The following ZDHHC21 variants were observed in gnomAD, a reference collection of about 807,000 sequenced individuals.
The protein encoded by ZDHHC21 is palmitoyltransferase ZDHHC21.
ZDHHC21 carries 15 observed loss-of-function variants against 34.6 expected under a neutral mutation model. That is an observed-to-expected ratio of 0.43 (90% CI 0.29 to 0.67). The LOEUF (loss-of-function observed/expected upper bound fraction) is 0.67, where lower values mean the gene tolerates loss of function less well. Ranked by LOEUF, ZDHHC21 falls within the 30% of genes least tolerant of loss-of-function variation. ZDHHC21 has a pLI of 0.14. For missense variants in ZDHHC21, 344 were observed against 327.7 expected (o/e 1.05, Z -0.38); for synonymous variants, 142 against 101.8 (o/e 1.40, Z -2.38).
At chr9:14,597,228 C>A in the ZDHHC21 span, among the ~76,000 whole-genome samples, 11 of 152,136 alleles carry the variant, frequency 7.2e-5, no homozygotes, top group African/African-American at 2.4e-4. Context: ...AGACTACATT[C>A]TTCCCTAGGG....
At chr9:14,647,579 C>T (rs1830477272) in intron 7 of ZDHHC21, among the ~76,000 whole-genome samples, 1 of 152,100 alleles carries the variant, frequency 6.6e-6, no homozygotes, top group Non-Finnish European at 1.5e-5. Context: ...AGCTCCAATT[C>T]CTTGGCCCAA....
the ZDHHC21 span, among the ~76,000 whole-genome samples, chr9:14,596,600 C>G: frequency 7.2e-5 from 11 of 152,120 alleles, no homozygotes; most frequent in African/African-American, 2.7e-4. Flanking sequence ...AAGATGAAAA[C>G]TAGCAAGAGC....
the ZDHHC21 span, among the ~76,000 whole-genome samples, chr9:14,597,347 G>C: frequency 1.3e-5 from 2 of 152,052 alleles, no homozygotes; most frequent in South Asian, 4.2e-4. Context: ...AGTGTGGCTG[G>C]GTATCCAGCA....
chr9:14,684,803 C>T (rs201050362), intron 2 of ZDHHC21, among the ~76,000 whole-genome samples: 14 of 152,162 alleles, frequency 9.2e-5, no homozygotes, highest in Non-Finnish European at 1.3e-4. Context: ...CTTCAAACTA[C>T]ACTACAAGGC....
rs1447702314 is a variant in ZDHHC21 at position 14,611,982 on chromosome 9, T to A, written c.*6984A>T. ...ACTACTCAATAACTTGAAAAATTAC[T>A]GCATTCAGCCACATGCATTTAAATC... On this transcript the variant is annotated 3_prime_UTR_variant, in exon 10 of 10. Coordinates refer to ENST00000380916, the MANE Select transcript of ZDHHC21 (RefSeq NM_178566.6). 6.6e-6 allele frequency: 1 copy of A among 152,032 alleles called. No homozygotes were observed. The highest frequency in any genetic ancestry group is 1.9e-4 in the East Asian group (1 of 5,194). 9.4% of individuals were successfully genotyped at this position (152,032 alleles called of 1,614,324 possible).
intron 7 of ZDHHC21, among the ~76,000 whole-genome samples, chr9:14,655,642 G>C (rs941814839): frequency 6.6e-6 from 1 of 151,446 alleles, no homozygotes; most frequent in African/African-American, 2.4e-5. Context: ...AAAAAAATCA[G>C]AATAATGTTT....
chr9:14,657,793 G>C (rs1377122090), intron 7 of ZDHHC21, among the ~76,000 whole-genome samples: 1 of 152,004 alleles, frequency 6.6e-6, no homozygotes, highest in African/African-American at 2.4e-5. Context: ...CTACTTCTCT[G>C]TCGCTTAAAA....
chr9:14,642,967 G>A (rs559449055), intron 7 of ZDHHC21, among the ~76,000 whole-genome samples: 5 of 152,112 alleles, frequency 3.3e-5, no homozygotes, highest in African/African-American at 4.8e-5. Flanking sequence ...GGCTGGGTAC[G>A]GTGGCTCACG....
intron 5 of ZDHHC21, among the ~76,000 whole-genome samples, chr9:14,668,615 C>A (rs1044699251): frequency 1.3e-5 from 2 of 151,750 alleles, no homozygotes; most frequent in African/African-American, 4.9e-5. Context: ...AACAAGGCTA[C>A]AGTAACCAAA....
At chr9:14,594,090 G>C in the ZDHHC21 span, 1 of 152,304 alleles carries the variant, frequency 6.6e-6, no homozygotes, top group Admixed American at 6.5e-5. Context: ...AAAATTGCTA[G>C]ATAAGATATT....
At chr9:14,662,422 A>G in intron 5 of ZDHHC21, 96 bp from the exon 6 acceptor site, 2 of 851,506 alleles carry the variant, frequency 2.3e-6, no homozygotes, top group South Asian at 3.8e-5. Context: ...GAAGCCTTCA[A>G]CATAAAACTC....
At position 14,617,195 on chromosome 9, in the gene ZDHHC21, A is replaced by T. The variant is rs2133401459; in HGVS notation, c.*1771T>A. 6.6e-6 allele frequency: 1 copy of T among 152,100 alleles called. No individual in the cohort carries two copies. The highest frequency in any genetic ancestry group is 2.4e-5 in the African/African-American group (1 of 41,564). The allele number at this position is 152,100 out of a possible 1,614,324, so 9.4% of individuals were successfully genotyped here. A position where few individuals can be genotyped will look rare whatever the true frequency, so the allele number is the denominator to read the frequency against. ...ATCCAAACCCTTGTGCCTGACATGA[A>T]CATTCTAATTTTGTGTTTCACTAAG... On this transcript the variant is annotated 3_prime_UTR_variant, in exon 10 of 10. Coordinates refer to ENST00000380916, the MANE Select transcript of ZDHHC21 (RefSeq NM_178566.6).
chr9:14,690,640 C>T (rs1003505546), intron 1 of ZDHHC21, among the ~76,000 whole-genome samples: 3 of 152,134 alleles, frequency 2.0e-5, no homozygotes, highest in Non-Finnish European at 4.4e-5. Context: ...AAAAATGTCA[C>T]AATTTTGCCT....
intron 8 of ZDHHC21, among the ~76,000 whole-genome samples, chr9:14,623,931 G>A (rs947625542): frequency 3.3e-5 from 5 of 152,000 alleles, no homozygotes; most frequent in African/African-American, 1.2e-4. Context: ...GTAAATCCAT[G>A]CAGTCATTAT....
In ZDHHC21 at chr9:14,615,084, T is replaced by C. The variant is rs1823940582; in HGVS notation, c.*3882A>G. 6.6e-6 allele frequency: 1 copy of C among 151,694 alleles called. No individual in the cohort carries two copies. The allele number at this position is 151,694 out of a possible 1,614,324, so 9.4% of individuals were successfully genotyped here. Reference sequence around the variant, plus strand: ...CAGAGCTTGGTACATTGTGATTTTATAGCAATACATGTGAAAACACTCAAA... The same window carrying C: ...CAGAGCTTGGTACATTGTGATTTTACAGCAATACATGTGAAAACACTCAAA... On this transcript the variant is annotated 3_prime_UTR_variant, in exon 10 of 10. Transcript: ENST00000380916.
intron 8 of ZDHHC21, 50 bp from the exon 9 acceptor site, chr9:14,619,732 T>G (rs1344357913): frequency 2.1e-6 from 2 of 969,400 alleles, no homozygotes; most frequent in Non-Finnish European, 1.4e-6. Context: ...TATTAAGTCT[T>G]TATTCTGTAT....
the ZDHHC21 span, among the ~76,000 whole-genome samples, chr9:14,598,621 T>G: frequency 1.3e-5 from 2 of 151,554 alleles, no homozygotes; most frequent in African/African-American, 4.9e-5. Context: ...AAAATATCTA[T>G]GAAATGCCTG....
chr9:14,670,986 C>A (rs905696394), intron 5 of ZDHHC21, among the ~76,000 whole-genome samples: 1 of 151,892 alleles, frequency 6.6e-6, no homozygotes. Context: ...GATTTTTGTA[C>A]TAGCCAAGTA....
At chr9:14,661,891 T>C (rs1833463364) in intron 6 of ZDHHC21, among the ~76,000 whole-genome samples, 1 of 152,342 alleles carries the variant, frequency 6.6e-6, no homozygotes, top group South Asian at 2.1e-4. Flanking sequence ...ACCATTTAAG[T>C]ACATCCTACT....
Sources: gnomAD v4.1 joint callset for allele counts (sites outside exome capture counted in the v4.1 genomes callset) on GRCh38, gnomAD v4.1.1 for gene constraint, MANE v1.5 for transcripts, NCBI Gene and HGNC (gene_info 2026-07-23, HGNC 2026-07-21) for gene names.